Variants in HYAL2 observed in about 807,000 individuals in gnomAD.
HYAL2 encodes hyaluronidase 2.
In HYAL2, 30 loss-of-function variants were observed where a neutral mutation model predicts 35.4. The ratio of observed to expected loss-of-function variants is 0.85; its 90% CI spans 0.63 to 1.15. The LOEUF (loss-of-function observed/expected upper bound fraction) is 1.15, where lower values mean the gene tolerates loss of function less well. Among genes scored for constraint, HYAL2 ranks in the 50% most tolerant of loss-of-function variants. The pLI, the probability that HYAL2 is intolerant of heterozygous loss-of-function variation, is 0.00. For missense variants in HYAL2, 635 were observed against 646.5 expected, an observed-to-expected ratio of 0.98 and a Z score of 0.19; for synonymous variants, 262 against 252.8, an observed-to-expected ratio of 1.04 and a Z score of -0.34.
Position 50,318,621 on chromosome 3 carries a change from G to T in HYAL2, c.1012-82C>A. 7.9e-7 allele frequency: 1 copy of T among 1,270,322 alleles called. No individual in the cohort carries two copies. The highest frequency in any genetic ancestry group is 1.1e-6 in the Non-Finnish European group (1 of 903,700). 78.7% of individuals were successfully genotyped at this position (1,270,322 alleles called of 1,614,324 possible). A position where few individuals can be genotyped will look rare whatever the true frequency, so the allele number is the denominator to read the frequency against. On this transcript the variant is annotated intron_variant, in intron 3 of 3. Coordinates refer to ENST00000357750, the MANE Select transcript of HYAL2 (RefSeq NM_003773.5). This position sits in a 1 kb window ranked among gnomAD's most constrained non-coding sequence, Gnocchi z 4.5. ...CAGATGGAAACTGTGTCCACACTGT[G>T]ATGACTATACCTTATTTTAACTGCA...
rs1702645080 is a variant in HYAL2 at position 50,319,849 on chromosome 3, T to C, written c.641A>G (p.His214Arg). The C allele has an allele frequency of 1.2e-6, 2 of 1,613,476 alleles. No homozygotes were observed. The highest frequency in any genetic ancestry group is 8.5e-7 in the Non-Finnish European group (1 of 1,179,958). Residue 214 changes from histidine to arginine, a missense_variant, in exon 2 of 4, where the codon CAT becomes CGT. His to Arg is a conservative substitution (Grantham distance 29, BLOSUM62 0). Coordinates refer to ENST00000357750, the MANE Select transcript of HYAL2 (RefSeq NM_003773.5). ...GCTCTCCCAGTTCTGCACATAATCA[T>C]GATTGTAGCAGTCAGGAAAGAGGTA... ...GFYLFPDCYN[H>R]DYVQNWESYT...
Position 50,320,513 on chromosome 3 carries a change from C to A in HYAL2, c.-24G>T, listed in dbSNP as rs368920956. The stretch of plus-strand genomic sequence containing the variant: ...ATGCTGGGGGCTGCAGGAGGTGTCA[C>A]CTGCCTGGCACCAGCTCAGGAACTG... On this transcript the variant is annotated 5_prime_UTR_variant, in exon 2 of 4. Transcript: ENST00000357750. The surrounding 1 kb of genome is among the most constrained non-coding windows in gnomAD (Gnocchi z 4.8). The A allele has an allele frequency of 6.0e-6, 9 of 1,507,294 alleles. No individual in the cohort carries two copies. Among genetic ancestry groups the A allele is most frequent in the Non-Finnish European group, 7.1e-6 (8 of 1,132,316 alleles). 93.4% of individuals were successfully genotyped at this position (1,507,294 alleles called of 1,614,324 possible). A position where few individuals can be genotyped will look rare whatever the true frequency, so the allele number is the denominator to read the frequency against.
chr3:50,320,107 C>A lies in HYAL2; in HGVS notation c.383G>T (p.Gly128Val). 1 of 1,613,760 alleles carries A rather than the reference C, an allele frequency of 6.2e-7. No homozygotes were observed. The highest frequency in any genetic ancestry group is 8.5e-7 in the Non-Finnish European group (1 of 1,180,040). The part of the protein sequence containing the change: ...EHYIRTQESA[G>V]LAVIDWEDWR... ...GTCCTCCCAGTCGATGACCGCCAGC[C>A]CCGCAGACTCCTGTGTCCGAATGTA... The change falls in exon 2 of 4, where the codon GGG (glycine) becomes GTG (valine). Residue 128 changes from glycine (G) to valine (V), a missense_variant. Transcript: ENST00000357750. This position sits in a 1 kb window ranked among gnomAD's most constrained non-coding sequence, Gnocchi z 4.8.
rs969199781 is a variant in HYAL2 at position 50,320,549 on chromosome 3, T to C, written c.-46-14A>G. On this transcript the variant is annotated splice_polypyrimidine_tract_variant and intron_variant, in intron 1 of 3. Transcript: ENST00000357750. This position sits in a 1 kb window ranked among gnomAD's most constrained non-coding sequence, Gnocchi z 4.8. Reference sequence around the variant, plus strand: ...CCAGCTCAGGAACTGGAAGAAGGGTTGGGGAGAACAAGTCAGTCTAGGGAA... The same window carrying C: ...CCAGCTCAGGAACTGGAAGAAGGGTCGGGGAGAACAAGTCAGTCTAGGGAA... 1 of 1,419,806 alleles carries C rather than the reference T, an allele frequency of 7.0e-7. No homozygotes were observed. The highest frequency in any genetic ancestry group is 9.3e-7 in the Non-Finnish European group (1 of 1,074,576). The allele number at this position is 1,419,806 out of a possible 1,614,324, so 88.0% of individuals were successfully genotyped here.
Position 50,320,583 on chromosome 3 carries a change from G to T in HYAL2, c.-46-48C>A. 1 of 1,163,584 alleles carries T rather than the reference G, an allele frequency of 8.6e-7. No individual in the cohort carries two copies. The allele number at this position is 1,163,584 out of a possible 1,614,324, so 72.1% of individuals were successfully genotyped here. On this transcript the variant is annotated intron_variant, in intron 1 of 3. Coordinates refer to ENST00000357750, the MANE Select transcript of HYAL2 (RefSeq NM_003773.5). The surrounding 1 kb of genome is among the most constrained non-coding windows in gnomAD (Gnocchi z 4.8). ...CAAGTCAGTCTAGGGAATACTGGAA[G>T]TGCCCACCTCAAGCCCATCTATGCT...
Position 50,320,782 on chromosome 3 carries a change from C to G in HYAL2, c.-46-247G>C, listed in dbSNP as rs782735956. On this transcript the variant is annotated intron_variant, in intron 1 of 3. Transcript: ENST00000357750. The surrounding 1 kb of genome is among the most constrained non-coding windows in gnomAD (Gnocchi z 4.8). ...CACAAATCTCTATTAGGTCTGTGAC[C>G]CTTCTAAGAACTAGATAATTTGGGC... is the stretch of plus-strand genomic sequence containing the variant. The G allele has an allele frequency of 7.3e-6, 3 of 412,896 alleles. No individual in the cohort carries two copies. Among genetic ancestry groups the G allele is most frequent in the African/African-American group, 2.0e-5 (1 of 49,736 alleles). The allele number at this position is 412,896 out of a possible 1,614,324, so 25.6% of individuals were successfully genotyped here.
In HYAL2 at chr3:50,318,130, TACAAGGTCCA is replaced by T; in HGVS notation, c.1411_1420del (p.Trp471ArgfsTer19). The T allele has an allele frequency of 6.4e-7, 1 of 1,557,782 alleles. No individual in the cohort carries two copies. The highest frequency in any genetic ancestry group is 8.7e-7 in the Non-Finnish European group (1 of 1,149,972). On this transcript the variant is annotated frameshift_variant and stop_lost, in exon 4 of 4. Transcript: ENST00000357750. LOFTEE classifies it high-confidence loss of function. The surrounding 1 kb of genome is among the most constrained non-coding windows in gnomAD (Gnocchi z 4.5). ...GCTAGGCAGCTAGGCAGGAGACCCC[TACAAGGTCCA>T]GGTAAAGGCCAGGGCTGCCAGAGCC...
Position 50,318,452 on chromosome 3 carries a change from G to A in HYAL2, c.1099C>T (p.Arg367Trp), listed in dbSNP as rs782372348. 48 of 1,613,058 alleles carry A rather than the reference G, an allele frequency of 3.0e-5. No individual in the cohort carries two copies. Among genetic ancestry groups the A allele is most frequent in the African/African-American group, 1.9e-4 (14 of 74,948 alleles). The change falls in exon 4 of 4, where the codon CGG becomes TGG. Residue 367 changes from arginine to tryptophan, a missense_variant. By Grantham distance (101) the Arg-to-Trp change is moderately radical. Transcript: ENST00000357750. This position sits in a 1 kb window ranked among gnomAD's most constrained non-coding sequence, Gnocchi z 4.5. ...NVSWATQYCS[R>W]AQCHGHGRCV... The stretch of plus-strand genomic sequence containing the variant: ...CGCCCATGGCCATGGCACTGGGCCC[G>A]GCTGCAATATTGGGTGGCCCAGGAC...
chr3:50,320,255 A>T lies in HYAL2; in HGVS notation c.235T>A (p.Tyr79Asn), dbSNP rs1271487028. The change falls in exon 2 of 4, where the codon TAC becomes AAC. Residue 79 changes from tyrosine (Y) to asparagine (N), a missense_variant. Tyr to Asn is a moderately radical substitution (Grantham distance 143). Coordinates refer to ENST00000357750, the MANE Select transcript of HYAL2 (RefSeq NM_003773.5). This position sits in a 1 kb window ranked among gnomAD's most constrained non-coding sequence, Gnocchi z 4.8. ...GGATACAGGCCTAGACGGTCGCGGT[A>T]GAAGATGGTAATATTCTGGTTCACA... Reference protein sequence around the residue: ...GFVNQNITIFYRDRLGLYPRF... With the variant: ...GFVNQNITIFNRDRLGLYPRF... The T allele has an allele frequency of 2.5e-6, 4 of 1,613,936 alleles. No individual in the cohort carries two copies. Among genetic ancestry groups the T allele is most frequent in the Non-Finnish European group, 3.4e-6 (4 of 1,180,044 alleles).
At position 50,318,147 on chromosome 3, in the gene HYAL2, G is replaced by A. The variant is rs1553715805; in HGVS notation, c.1404C>T (p.Ala468=). 1 of 1,576,594 alleles carries A rather than the reference G, an allele frequency of 6.3e-7. No individual in the cohort carries two copies. The highest frequency in any genetic ancestry group is 8.6e-7 in the Non-Finnish European group (1 of 1,159,544). The change falls in exon 4 of 4, where the codon GCC becomes GCT. Residue 468 remains alanine, a synonymous_variant. Transcript: ENST00000357750. The surrounding 1 kb of genome is among the most constrained non-coding windows in gnomAD (Gnocchi z 4.5). ...LTSLLALAAL[A]FTWTL is the part of the protein sequence containing the mutation. ...GAGACCCCTACAAGGTCCAGGTAAA[G>A]GCCAGGGCTGCCAGAGCCAGCAGAC...
rs1702612484 is a variant in HYAL2 at position 50,318,637 on chromosome 3, T to C, written c.1012-98A>G. ...CCACACTGTGATGACTATACCTTAT[T>C]TTAACTGCACACATTCATACATTCA... On this transcript the variant is annotated intron_variant, in intron 3 of 3. Coordinates refer to ENST00000357750, the MANE Select transcript of HYAL2 (RefSeq NM_003773.5). The surrounding 1 kb of genome is among the most constrained non-coding windows in gnomAD (Gnocchi z 4.5). The C allele has an allele frequency of 8.9e-7, 1 of 1,120,114 alleles. No individual in the cohort carries two copies. Among genetic ancestry groups the C allele is most frequent in the African/African-American group, 1.6e-5 (1 of 64,026 alleles). The allele number at this position is 1,120,114 out of a possible 1,614,324, so 69.4% of individuals were successfully genotyped here. A position where few individuals can be genotyped will look rare whatever the true frequency, so the allele number is the denominator to read the frequency against.
rs1363998584 is a variant in HYAL2 at position 50,322,516 on chromosome 3, TTG to T, written c.-47+135_-47+136del. The T allele has an allele frequency of 1.3e-5, 2 of 152,230 alleles. No homozygotes were observed. The highest frequency in any genetic ancestry group is 2.9e-5 in the Non-Finnish European group (2 of 68,068). The allele number at this position is 152,230 out of a possible 1,614,324, so 9.4% of individuals were successfully genotyped here. Reference sequence around the variant, plus strand: ...CTCGGCTCTTCCTAGGTCCGCTCCCTTGTGCGAGACTCAACTCCCAAAAGGGC... The same window carrying T: ...CTCGGCTCTTCCTAGGTCCGCTCCCTTGCGAGACTCAACTCCCAAAAGGGC... On this transcript the variant is annotated intron_variant, in intron 1 of 3. Coordinates refer to ENST00000357750, the MANE Select transcript of HYAL2 (RefSeq NM_003773.5). The surrounding 1 kb of genome is among the most constrained non-coding windows in gnomAD (Gnocchi z 5.5).
In HYAL2 at chr3:50,320,733, T is replaced by C. The variant is rs1702669880; in HGVS notation, c.-46-198A>G. On this transcript the variant is annotated intron_variant, in intron 1 of 3. Coordinates refer to ENST00000357750, the MANE Select transcript of HYAL2 (RefSeq NM_003773.5). This position sits in a 1 kb window ranked among gnomAD's most constrained non-coding sequence, Gnocchi z 4.8. ...CTGCCAGAAGCACAGGGCTCTTTTC[T>C]GGAGCAGGTAGCCTGTGGCTCGGCA... 1 of 502,270 alleles carries C rather than the reference T, an allele frequency of 2.0e-6. No individual in the cohort carries two copies. Among genetic ancestry groups the C allele is most frequent in the Non-Finnish European group, 3.5e-6 (1 of 285,760 alleles). The allele number at this position is 502,270 out of a possible 1,614,324, so 31.1% of individuals were successfully genotyped here.
intron 2 of HYAL2, among the ~76,000 whole-genome samples, chr3:50,319,272 T>C (rs1702630255): frequency 6.6e-6 from 1 of 152,190 alleles, no homozygotes; most frequent in African/African-American, 2.4e-5. Context: ...CACTTGAGCC[T>C]AGGTGCAGCT....
rs374329099 is a variant in HYAL2, at chr3:50,318,154, G to A, written c.1397C>T (p.Ala466Val). ...SHLTSLLALA[A>V]LAFTWTL ...CTACAAGGTCCAGGTAAAGGCCAGG[G>A]CTGCCAGAGCCAGCAGACTGGTGAG... The change falls in exon 4 of 4, where the codon GCC becomes GTC. Residue 466 changes from alanine to valine, a missense_variant. Transcript: ENST00000357750. This position sits in a 1 kb window ranked among gnomAD's most constrained non-coding sequence, Gnocchi z 4.5. The A allele has an allele frequency of 1.5e-4, 242 of 1,580,482 alleles. No homozygotes were observed. The highest frequency in any genetic ancestry group is 2.0e-4 in the Non-Finnish European group (227 of 1,161,512).
chr3:50,320,473 C>A lies in HYAL2; in HGVS notation c.17G>T (p.Gly6Val), dbSNP rs781845744. MRAGP[G>V]PTVTLALVLA... ...CACCAGGGCCAATGTAACGGTGGGGCCTGGGCCTGCCCGCATGCTGGGGGC... is the reference window on the plus strand; with the variant it reads ...CACCAGGGCCAATGTAACGGTGGGGACTGGGCCTGCCCGCATGCTGGGGGC... The change falls in exon 2 of 4, where the codon GGC (glycine) becomes GTC (valine). Residue 6 changes from glycine (G) to valine (V), a missense_variant. By Grantham distance (109) the Gly-to-Val change is moderately radical (BLOSUM62 -3). Coordinates refer to ENST00000357750, the MANE Select transcript of HYAL2 (RefSeq NM_003773.5). This position sits in a 1 kb window ranked among gnomAD's most constrained non-coding sequence, Gnocchi z 4.8. The A allele has an allele frequency of 7.1e-6, 11 of 1,545,062 alleles. No homozygotes were observed. Among genetic ancestry groups the A allele is most frequent in the Non-Finnish European group, 8.7e-7 (1 of 1,147,020 alleles).
rs1553715908 is a variant in HYAL2 at position 50,318,470 on chromosome 3, C to T, written c.1081G>A (p.Ala361Thr). 2 of 1,613,024 alleles carry T rather than the reference C, an allele frequency of 1.2e-6. No individual in the cohort carries two copies. The highest frequency in any genetic ancestry group is 1.7e-6 in the Non-Finnish European group (2 of 1,179,936). Residue 361 changes from alanine (A) to threonine (T), a missense_variant, in exon 4 of 4, where the codon GCC (alanine) becomes ACC (threonine). By Grantham distance (58) the Ala-to-Thr change is moderately conservative. Transcript: ENST00000357750. This position sits in a 1 kb window ranked among gnomAD's most constrained non-coding sequence, Gnocchi z 4.5. The part of the protein sequence containing the change: ...LVPYVVNVSW[A>T]TQYCSRAQCH... The stretch of plus-strand genomic sequence containing the variant: ...TGGGCCCGGCTGCAATATTGGGTGG[C>T]CCAGGACACATTGACCACGTAGGGG...
In HYAL2 at chr3:50,318,203, T is replaced by A; in HGVS notation, c.1348A>T (p.Ser450Cys). ...AGGTGGGACCCAGCCCAGGCCTCGC[T>A]GGCACCTCCAGCTGCCTGCCTATGG... ...WDHRQAAGGA[S>C]EAWAGSHLTS... Residue 450 changes from serine (S) to cysteine (C), a missense_variant, in exon 4 of 4, where the codon AGC becomes TGC. Coordinates refer to ENST00000357750, the MANE Select transcript of HYAL2 (RefSeq NM_003773.5). The surrounding 1 kb of genome is among the most constrained non-coding windows in gnomAD (Gnocchi z 4.5). 1 of 1,613,112 alleles carries A rather than the reference T, an allele frequency of 6.2e-7. No individual in the cohort carries two copies. Among genetic ancestry groups the A allele is most frequent in the African/African-American group, 1.3e-5 (1 of 75,068 alleles).
chr3:50,321,512 G>A (rs1702697039), intron 1 of HYAL2: 1 of 152,160 alleles, frequency 6.6e-6, no homozygotes, highest in South Asian at 2.1e-4. Flanking sequence ...TAAGACTCCA[G>A]TGCGGAGGTG....
Sources: allele counts gnomAD v4.1 joint callset (sites outside exome capture counted in the v4.1 genomes callset), GRCh38; gene constraint gnomAD v4.1.1; non-coding constraint Gnocchi (gnomAD v3.1); transcripts MANE v1.5; gene names NCBI Gene and HGNC (gene_info 2026-07-23, HGNC 2026-07-21).